The following DLG2 variants were observed in gnomAD, a reference collection of about 807,000 sequenced individuals.
The protein encoded by DLG2 is discs large MAGUK scaffold protein 2, also known as disks large homolog 2.
In DLG2, 45 loss-of-function variants were observed where a neutral mutation model predicts 132.5. The observed-to-expected ratio is 0.34, with a 90% CI of 0.27 to 0.44. DLG2 has a LOEUF of 0.44. DLG2 is among the 20% of genes least tolerant of loss of function. The probability of loss-of-function intolerance (pLI) is 1.00; values close to 1 mark genes in which losing one functional copy is unlikely to be tolerated. For missense variants in DLG2, 1,045 were observed against 1,196.9 expected, an observed-to-expected ratio of 0.87 and a Z score of 1.87; for synonymous variants, 424 against 419.6, an observed-to-expected ratio of 1.01 and a Z score of -0.13.
chr11:84,782,215 G>T, intron 6 of DLG2, among the ~76,000 whole-genome samples: 1 of 152,188 alleles, frequency 6.6e-6, no homozygotes, highest in South Asian at 2.1e-4. Flanking sequence ...GGGTGGATTA[G>T]ATGGGAAAGA....
intron 15 of DLG2, among the ~76,000 whole-genome samples, chr11:83,920,639 T>C (rs1434838838): frequency 3.3e-5 from 5 of 152,148 alleles, no homozygotes; most frequent in African/African-American, 1.2e-4. Context: ...ATAGCTAAAA[T>C]TTATGGAGCA....
chr11:85,065,603 C>T (rs948578477), intron 6 of DLG2, among the ~76,000 whole-genome samples: 1 of 150,908 alleles, frequency 6.6e-6, no homozygotes, highest in Non-Finnish European at 1.5e-5. Context: ...GATAAAATAA[C>T]ATATCAGGCA....
At chr11:84,907,456 T>C (rs146312126) in intron 6 of DLG2, among the ~76,000 whole-genome samples, 1 of 152,272 alleles carries the variant, frequency 6.6e-6, no homozygotes, top group Non-Finnish European at 1.5e-5. Flanking sequence ...ATTAAACTAA[T>C]ATTTACTGCA....
intron 8 of DLG2, among the ~76,000 whole-genome samples, chr11:84,222,402 T>C (rs899395884): frequency 2.6e-5 from 4 of 152,212 alleles, no homozygotes; most frequent in Non-Finnish European, 4.4e-5. Context: ...TAATATCTTT[T>C]TTACCTTTTT....
chr11:83,835,944 C>A, intron 16 of DLG2, among the ~76,000 whole-genome samples: 1 of 152,050 alleles, frequency 6.6e-6, no homozygotes, highest in Non-Finnish European at 1.5e-5. Context: ...ACACACACAC[C>A]CCTATAGTAT....
chr11:84,637,868 T>G (rs1197734962), intron 6 of DLG2, among the ~76,000 whole-genome samples: 3 of 152,232 alleles, frequency 2.0e-5, no homozygotes, highest in Admixed American at 6.5e-5. Context: ...TACAAGATTT[T>G]CTAGCAGAAC....
intron 3 of DLG2, among the ~76,000 whole-genome samples, chr11:85,430,336 AAAACTT>A (rs1391497372): frequency 2.0e-5 from 3 of 152,034 alleles, no homozygotes; most frequent in African/African-American, 7.3e-5. Context: ...CATGTACCCT[AAAACTT>A]AAAGTATAAT....
At chr11:85,111,865 G>A (rs1594359868) in intron 5 of DLG2, 130 bp from the exon 6 acceptor site, 1 of 627,696 alleles carries the variant, frequency 1.6e-6, no homozygotes, top group Non-Finnish European at 2.5e-6. Flanking sequence ...TGCTTTGTTG[G>A]TGCAATGCTG....
intron 3 of DLG2, among the ~76,000 whole-genome samples, chr11:85,341,836 G>A (rs554237204): frequency 4.1e-4 from 63 of 152,238 alleles, no homozygotes; most frequent in African/African-American, 1.2e-3. Flanking sequence ...CTTATTGCTC[G>A]TAGGCTACAA....
chr11:85,249,177 T>C (rs1481787428), intron 4 of DLG2, among the ~76,000 whole-genome samples: 1 of 152,072 alleles, frequency 6.6e-6, no homozygotes, highest in Admixed American at 6.6e-5. Context: ...TGTTTTATCA[T>C]GCTCATTTGG....
chr11:83,816,154 G>A (rs2048847561), intron 17 of DLG2, among the ~76,000 whole-genome samples: 1 of 152,114 alleles, frequency 6.6e-6, no homozygotes, highest in African/African-American at 2.4e-5. Flanking sequence ...GGAACATATA[G>A]CTTAGATAGA....
chr11:83,838,333 A>T (rs569788737), intron 16 of DLG2, among the ~76,000 whole-genome samples: 1 of 152,336 alleles, frequency 6.6e-6, no homozygotes, highest in South Asian at 2.1e-4. Context: ...TTATGTTTGA[A>T]AAATGTTTAT....
chr11:85,321,229 T>G (rs1256272937), intron 3 of DLG2, among the ~76,000 whole-genome samples: 1 of 151,894 alleles, frequency 6.6e-6, no homozygotes, highest in African/African-American at 2.4e-5. Flanking sequence ...TTTTTTAGCC[T>G]GGGCAAGTGG....
At chr11:84,401,514 C>G (rs758203151) in intron 7 of DLG2, among the ~76,000 whole-genome samples, 9 of 152,086 alleles carry the variant, frequency 5.9e-5, no homozygotes, top group Non-Finnish European at 1.0e-4. Flanking sequence ...AAATAAATAA[C>G]TCTCCTTTGG....
chr11:84,081,161 T>A (rs11826306), intron 10 of DLG2, among the ~76,000 whole-genome samples: 3,845 of 152,186 alleles, frequency 0.025, 151 homozygotes, highest in African/African-American at 0.086. Context: ...GTGGATTATA[T>A]CTTGTGGCTC....
chr11:85,276,705 A>G (rs946424541), intron 4 of DLG2, among the ~76,000 whole-genome samples: 1 of 152,214 alleles, frequency 6.6e-6, no homozygotes, highest in Non-Finnish European at 1.5e-5. Context: ...TCATGTTTCT[A>G]GCATAATATA....
intron 19 of DLG2, among the ~76,000 whole-genome samples, chr11:83,557,187 C>T (rs889253958): frequency 2.0e-5 from 3 of 152,170 alleles, no homozygotes; most frequent in Non-Finnish European, 4.4e-5. Context: ...TCTGCCTTCA[C>T]ACAATTTATG....
chr11:85,532,652 C>G (rs953178852), intron 3 of DLG2, among the ~76,000 whole-genome samples: 1 of 152,154 alleles, frequency 6.6e-6, no homozygotes, highest in Non-Finnish European at 1.5e-5. Context: ...TGTCATATGT[C>G]ACATCCTTTC....
intron 6 of DLG2, among the ~76,000 whole-genome samples, chr11:85,093,131 G>A (rs956840227): frequency 2.6e-5 from 4 of 152,144 alleles, no homozygotes; most frequent in Admixed American, 6.5e-5. Context: ...CAACTGCAAC[G>A]TGTTTTGTTA....
Sources: allele counts gnomAD v4.1 joint callset (sites outside exome capture counted in the v4.1 genomes callset), GRCh38; gene constraint gnomAD v4.1.1; transcripts MANE v1.5; gene names NCBI Gene and HGNC (gene_info 2026-07-23, HGNC 2026-07-21).